The following CIT variants were observed in gnomAD, a reference collection of about 807,000 sequenced individuals.
CIT encodes the protein citron Rho-interacting kinase.
Under a neutral mutation model 272.7 loss-of-function variants are expected in CIT, and 79 were observed. The observed-to-expected ratio is 0.29, with a 90% CI of 0.24 to 0.35. The LOEUF is 0.35. Among genes scored for constraint, CIT ranks in the 10% least tolerant of loss-of-function variants. The pLI is 1.00. For missense variants in CIT, 1,909 were observed against 2,618.3 expected (o/e 0.73, Z 5.91); for synonymous variants, 948 against 995.6 (o/e 0.95, Z 0.90).
intron 9 of CIT, among the ~76,000 whole-genome samples, chr12:119,821,021 C>T (rs147322543): frequency 1.6e-4 from 25 of 151,628 alleles, no homozygotes; most frequent in Middle Eastern, 3.4e-3. Flanking sequence ...TTTGGCCAGG[C>T]GTGGTGGCTC....
chr12:119,829,267 G>A (rs1333037012), intron 7 of CIT, among the ~76,000 whole-genome samples: 1 of 151,980 alleles, frequency 6.6e-6, no homozygotes, highest in African/African-American at 2.4e-5. Context: ...GAACCCAGGA[G>A]GCGGAGGTTG....
chr12:119,794,336 C>T (rs1015551270), intron 10 of CIT, among the ~76,000 whole-genome samples: 40 of 152,212 alleles, frequency 2.6e-4, no homozygotes, highest in African/African-American at 9.4e-4. Context: ...TCTGTGCCCC[C>T]AGGCAGCCAG....
In CIT at chr12:119,734,265, C is replaced by A; in HGVS notation, c.3249G>T (p.Arg1083=). The change falls in exon 26 of 48, where the codon CGG becomes CGT. Residue 1083 remains arginine (R), a synonymous_variant. Coordinates refer to ENST00000392521, the MANE Select transcript of CIT (RefSeq NM_001206999.2). ...ALNDELLEKE[R]QWEAWRSVLG... Reference sequence around the variant, plus strand: ...GGACGCTCCTCCAGGCCTCCCACTGCCGCTCTTTTTCTAGCAGCTCATCGT... The same window carrying A: ...GGACGCTCCTCCAGGCCTCCCACTGACGCTCTTTTTCTAGCAGCTCATCGT... The A allele has an allele frequency of 1.2e-6, 2 of 1,614,024 alleles. No homozygotes were observed. Among genetic ancestry groups the A allele is most frequent in the Middle Eastern group, 1.6e-4 (1 of 6,062 alleles).
intron 3 of CIT, among the ~76,000 whole-genome samples, chr12:119,863,246 C>A (rs926321840): frequency 1.5e-4 from 21 of 142,904 alleles, no homozygotes; most frequent in Non-Finnish European, 1.5e-4. Flanking sequence ...TTATCCTTAG[C>A]AAACTAATGC....
In CIT at chr12:119,728,495, C is replaced by T. The variant is rs763247461; in HGVS notation, c.3591+7G>A. On this transcript the variant is annotated splice_region_variant and intron_variant, in intron 28 of 47. Coordinates refer to ENST00000392521, the MANE Select transcript of CIT (RefSeq NM_001206999.2). The surrounding 1 kb of genome is among the most constrained non-coding windows in gnomAD (Gnocchi z 4.3). Reference sequence around the variant, plus strand: ...CTTGGCCCTTCTCCCAGGTATTTCACACTCACCTCTTCCAGAAGCCTCTGT... The same window carrying T: ...CTTGGCCCTTCTCCCAGGTATTTCATACTCACCTCTTCCAGAAGCCTCTGT... The T allele has an allele frequency of 2.5e-6, 4 of 1,584,696 alleles. No homozygotes were observed. The highest frequency in any genetic ancestry group is 3.4e-6 in the Non-Finnish European group (4 of 1,162,312).
rs374382553 is a variant in CIT, at chr12:119,778,224, A to G, written c.1666-1382T>C. Among the ~76,000 whole-genome samples the G allele has an allele frequency of 5.9e-5, 9 of 152,364 alleles. No individual in the cohort carries two copies. In the East Asian group the frequency reaches 1.2e-3, roughly 20 times the overall value. ...AACAGCCCAACCTTTTCCAAAATGC[A>G]TTTCTAAAATCAAAACATTTACATT... On this transcript the variant is annotated intron_variant, in intron 13 of 47. Coordinates refer to ENST00000392521, the MANE Select transcript of CIT (RefSeq NM_001206999.2).
At chr12:119,698,150 C>A in intron 44 of CIT, 96 bp from the exon 45 acceptor site, 6 of 1,113,734 alleles carry the variant, frequency 5.4e-6, no homozygotes, top group Non-Finnish European at 6.8e-6. Context: ...ACCCAGCAAT[C>A]CTGTGTAAAG....
At chr12:119,849,195 G>A (rs930203944) in intron 5 of CIT, among the ~76,000 whole-genome samples, 9 of 152,192 alleles carry the variant, frequency 5.9e-5, no homozygotes, top group Non-Finnish European at 1.3e-4. Context: ...GGGAGGCCGA[G>A]GCAGGTGGAT....
chr12:119,863,985 A>G (rs1485065350), intron 3 of CIT, among the ~76,000 whole-genome samples: 1 of 152,300 alleles, frequency 6.6e-6, no homozygotes, highest in East Asian at 1.9e-4. Flanking sequence ...TGGACTTCCC[A>G]GTCTTCACAA....
chr12:119,874,808 C>A (rs949857630), intron 2 of CIT, among the ~76,000 whole-genome samples: 13 of 151,662 alleles, frequency 8.6e-5, no homozygotes, highest in East Asian at 1.9e-4. Flanking sequence ...ATGGCGTGAA[C>A]CCCGGGGGGC....
At chr12:119,868,191 C>T (rs1326730665) in intron 3 of CIT, among the ~76,000 whole-genome samples, 10 of 152,034 alleles carry the variant, frequency 6.6e-5, no homozygotes, top group Non-Finnish European at 1.0e-4. Flanking sequence ...CACTGCAATC[C>T]AGCCTGGGTA....
intron 6 of CIT, 51 bp downstream of exon 6, chr12:119,834,035 T>C: frequency 1.9e-6 from 3 of 1,545,238 alleles, no homozygotes; most frequent in Non-Finnish European, 2.6e-6. Flanking sequence ...GGAACTCTTA[T>C]GCGACACAGG....
rs1181240188 is a variant in CIT, at chr12:119,728,895, TTTAA to T, written c.3487-293_3487-290del. 6.6e-6 allele frequency among the ~76,000 whole-genome samples: 1 copy of T among 152,224 alleles called. No homozygotes were observed. On this transcript the variant is annotated intron_variant, in intron 27 of 47. Transcript: ENST00000392521. This position sits in a 1 kb window ranked among gnomAD's most constrained non-coding sequence, Gnocchi z 4.3. ...ATTTATCTGACATGCTTTGGCTGAA[TTTAA>T]TTAAATAATCATACGCTGAATGCTT...
At chr12:119,717,023 G>GA (rs1227276683) in intron 32 of CIT, among the ~76,000 whole-genome samples, 1 of 152,136 alleles carries the variant, frequency 6.6e-6, no homozygotes, top group Non-Finnish European at 1.5e-5. Context: ...ATTTATAAGA[G>GA]AAAAAAGGCC....
intron 5 of CIT, among the ~76,000 whole-genome samples, chr12:119,842,930 A>C (rs529389510): frequency 1.9e-4 from 29 of 152,126 alleles, no homozygotes; most frequent in South Asian, 4.2e-4. Flanking sequence ...GTAAAGCTCT[A>C]CTCTCCCTTT....
At position 119,876,180 on chromosome 12, in the gene CIT, C is replaced by G. The variant is rs747372703; in HGVS notation, c.-12G>C. The G allele has an allele frequency of 2.5e-6, 4 of 1,600,364 alleles. No individual in the cohort carries two copies. Among genetic ancestry groups the G allele is most frequent in the Non-Finnish European group, 3.4e-6 (4 of 1,168,370 alleles). ...TTGAACTTCAACATCTCCCCACTGG[C>G]GCTGAAAGGATATCAGAAAAGTCAA... On this transcript the variant is annotated splice_region_variant and 5_prime_UTR_variant, in exon 2 of 48. Coordinates refer to ENST00000392521, the MANE Select transcript of CIT (RefSeq NM_001206999.2).
At chr12:119,776,583 G>T in intron 14 of CIT, 89 bp downstream of exon 14, 2 of 1,335,768 alleles carry the variant, frequency 1.5e-6, no homozygotes, top group Non-Finnish European at 2.1e-6. Flanking sequence ...AAACTAGGTT[G>T]TTTCTCATTA....
chr12:119,729,367 T>C (rs1958303831), intron 27 of CIT, among the ~76,000 whole-genome samples: 1 of 152,284 alleles, frequency 6.6e-6, no homozygotes, highest in South Asian at 2.1e-4. Context: ...AAAATAATCA[T>C]GGATGTCCAT....
intron 30 of CIT, 70 bp downstream of exon 30, chr12:119,720,408 A>G: frequency 1.0e-6 from 1 of 987,320 alleles, no homozygotes; most frequent in Non-Finnish European, 1.6e-6. Context: ...CATATATCAC[A>G]GTGGTGTCCA....
Sources: allele counts gnomAD v4.1 joint callset (sites outside exome capture counted in the v4.1 genomes callset), GRCh38; gene constraint gnomAD v4.1.1; non-coding constraint Gnocchi (gnomAD v3.1); transcripts MANE v1.5; gene names NCBI Gene and HGNC (gene_info 2026-07-23, HGNC 2026-07-21).